The following CELF1 variants were observed in gnomAD, a reference collection of about 807,000 sequenced individuals.
The protein encoded by CELF1 is 50 kDa nuclear polyadenylated RNA-binding protein.
A neutral mutation model predicts 61.8 loss-of-function variants in CELF1; 10 were observed. The ratio of observed to expected loss-of-function variants is 0.16; its 90% CI spans 0.10 to 0.27. The LOEUF (loss-of-function observed/expected upper bound fraction) is 0.27. Ranked by LOEUF, CELF1 falls within the 10% of genes least tolerant of loss-of-function variation. The probability of loss-of-function intolerance (pLI) is 1.00; values close to 1 mark genes in which losing one functional copy is unlikely to be tolerated. For synonymous variants in CELF1, 236 were observed against 225.1 expected, an observed-to-expected ratio of 1.05 and a Z score of -0.43; for missense variants, 380 against 639.1, an observed-to-expected ratio of 0.59 and a Z score of 4.37.
At chr11:47,544,274 C>T (rs1288400003) in intron 1 of CELF1, among the ~76,000 whole-genome samples, 2 of 152,104 alleles carry the variant, frequency 1.3e-5, no homozygotes, top group African/African-American at 4.8e-5. Flanking sequence ...CATTACTGAC[C>T]CAAGAGACTA....
rs1286966859 is a variant in CELF1, at chr11:47,482,716, A to G, written c.747T>C (p.Thr249=). The G allele has an allele frequency of 6.2e-7, 1 of 1,613,958 alleles. No individual in the cohort carries two copies. The highest frequency in any genetic ancestry group is 8.5e-7 in the Non-Finnish European group (1 of 1,179,984). The change falls in exon 9 of 15, where the codon ACT becomes ACC. Residue 249 remains threonine, a synonymous_variant. Coordinates refer to ENST00000687097, the MANE Select transcript of CELF1 (RefSeq NM_001376376.1). The part of the protein sequence containing the change: ...SVWGNLAGLN[T]LGPQYLALYL... Reference sequence around the variant, plus strand: ...TCACTGCTAAATACTGGGGTCCAAGAGTATTTAGACCAGCAAGGTTTCCCC... The same window carrying G: ...TCACTGCTAAATACTGGGGTCCAAGGGTATTTAGACCAGCAAGGTTTCCCC...
intron 2 of CELF1, among the ~76,000 whole-genome samples, chr11:47,561,528 T>G (rs2097225617): frequency 6.6e-6 from 1 of 150,662 alleles, no homozygotes; most frequent in African/African-American, 2.5e-5. Flanking sequence ...AGATAATAAG[T>G]GTTGGCAACC....
rs1341066138 is a variant in CELF1, at chr11:47,467,425, C to T, written c.*4805G>A. ...CCCAATTAAAAAAACAAATCCCTGC[C>T]CTTTCCCCCACCCCACTAGCTAAGC... On this transcript the variant is annotated 3_prime_UTR_variant, in exon 15 of 15. Transcript: ENST00000687097. 2.0e-5 allele frequency: 3 copies of T among 152,262 alleles called. No individual in the cohort carries two copies. The highest frequency in any genetic ancestry group is 7.2e-5 in the African/African-American group (3 of 41,432). 9.4% of individuals were successfully genotyped at this position (152,262 alleles called of 1,614,324 possible).
upstream of CELF1, among the ~76,000 whole-genome samples, chr11:47,553,804 A>AT (rs1359428191): frequency 4.0e-4 from 46 of 115,576 alleles, 1 homozygote; most frequent in South Asian, 4.3e-3. Context: ...ACCGAAAAAA[A>AT]AATATATATA....
intron 9 of CELF1, among the ~76,000 whole-genome samples, chr11:47,482,207 A>T (rs1225625112): frequency 6.7e-6 from 1 of 150,196 alleles, no homozygotes; most frequent in African/African-American, 2.4e-5. Flanking sequence ...TCCGTCTCAA[A>T]AAATAAATAA....
At chr11:47,517,124 G>GT (rs1372347059) in intron 1 of CELF1, among the ~76,000 whole-genome samples, 2 of 151,958 alleles carry the variant, frequency 1.3e-5, no homozygotes, top group Non-Finnish European at 2.9e-5. Context: ...GCACGTGCCT[G>GT]TAGTCCCAGT....
At chr11:47,489,943 T>TTTTTTTTTTTTTTTTG (rs1433606711) in intron 3 of CELF1, among the ~76,000 whole-genome samples, 1 of 116,038 alleles carries the variant, frequency 8.6e-6, no homozygotes, top group Non-Finnish European at 1.8e-5. Flanking sequence ...TTGTTTTTTT[T>TTTTTTTTTTTTTTTTG]TTTTTTTTTT....
At chr11:47,522,926 C>G (rs1035800136) in intron 1 of CELF1, among the ~76,000 whole-genome samples, 1 of 151,160 alleles carries the variant, frequency 6.6e-6, no homozygotes, top group Admixed American at 6.6e-5. Context: ...TATTTCCTAG[C>G]AGGAGGGGGA....
At chr11:47,544,562 C>A (rs1257968126) in intron 1 of CELF1, among the ~76,000 whole-genome samples, 1 of 152,190 alleles carries the variant, frequency 6.6e-6, no homozygotes, top group South Asian at 2.1e-4. Context: ...ATTCCACAAT[C>A]AAAAAATCAA....
At chr11:47,494,972 G>A (rs11039264) in intron 3 of CELF1, among the ~76,000 whole-genome samples, 7 of 152,284 alleles carry the variant, frequency 4.6e-5, no homozygotes, top group Non-Finnish European at 8.8e-5. Flanking sequence ...GGCTGGTCTC[G>A]AACTCCTGGC....
rs118169372 is a variant in CELF1, at chr11:47,535,334, G to C, written c.-154+17658C>G. On this transcript the variant is annotated intron_variant, in intron 1 of 14. Coordinates refer to ENST00000687097, the MANE Select transcript of CELF1 (RefSeq NM_001376376.1). The stretch of plus-strand genomic sequence containing the variant: ...AAAAAAAATGGTTCTATGGAGATAA[G>C]ATATACCATTAACTACCGTAGGCAA... Among the ~76,000 whole-genome samples, 587 of 152,144 alleles carry C rather than the reference G, an allele frequency of 3.9e-3. 4 individuals carry two copies. The highest frequency in any genetic ancestry group is 7.4e-3 in the Non-Finnish European group (501 of 68,016).
rs1244762394 is a variant in CELF1, at chr11:47,471,150, G to C, written c.*1080C>G. 1 of 152,154 alleles carries C rather than the reference G, an allele frequency of 6.6e-6. No individual in the cohort carries two copies. Among genetic ancestry groups the C allele is most frequent in the African/African-American group, 2.4e-5 (1 of 41,420 alleles). 9.4% of individuals were successfully genotyped at this position (152,154 alleles called of 1,614,324 possible). A position where few individuals can be genotyped will look rare whatever the true frequency, so the allele number is the denominator to read the frequency against. The stretch of plus-strand genomic sequence containing the variant: ...CAAATGAAGCATACTGGCTTGCAGG[G>C]ACCTTCTGATTCAAGTACACCAAGA... On this transcript the variant is annotated 3_prime_UTR_variant, in exon 15 of 15. Coordinates refer to ENST00000687097, the MANE Select transcript of CELF1 (RefSeq NM_001376376.1).
chr11:47,537,314 C>A (rs185164616), intron 1 of CELF1, among the ~76,000 whole-genome samples: 106 of 148,094 alleles, frequency 7.2e-4, no homozygotes, highest in Non-Finnish European at 1.3e-3. Context: ...GTGGCGCCAT[C>A]TTGGCTCACT....
upstream of CELF1, chr11:47,553,247 G>T (rs2097187914): frequency 2.6e-6 from 1 of 381,988 alleles, no homozygotes; most frequent in East Asian, 3.7e-5. Context: ...CGATGCGAGC[G>T]GAGCGCGGCG....
intron 3 of CELF1, among the ~76,000 whole-genome samples, chr11:47,489,955 T>TTTTTTTTTA (rs71042675): frequency 3.5e-5 from 5 of 141,284 alleles, no homozygotes; most frequent in African/African-American, 1.3e-4. Flanking sequence ...TTTTTTTTTT[T>TTTTTTTTTA]GAGACGGAAT....
In CELF1 at chr11:47,510,797, TTAAC is replaced by T. The variant is rs370841206; in HGVS notation, c.-153-9869_-153-9866del. Among the ~76,000 whole-genome samples, 641 of 152,300 alleles carry T rather than the reference TTAAC, an allele frequency of 4.2e-3. 1 individual carries two copies. Among genetic ancestry groups the T allele is most frequent in the African/African-American group, 0.015 (625 of 41,572 alleles). On this transcript the variant is annotated intron_variant, in intron 1 of 14. Coordinates refer to ENST00000687097, the MANE Select transcript of CELF1 (RefSeq NM_001376376.1). The stretch of plus-strand genomic sequence containing the variant: ...GCCCCCGCATCTGGCCAACTCACTC[TTAAC>T]TAACAACTGTTAGTAAGCAACCTTA...
chr11:47,539,885 G>A (rs1175659291), intron 1 of CELF1, among the ~76,000 whole-genome samples: 1 of 152,078 alleles, frequency 6.6e-6, no homozygotes, highest in Admixed American at 6.6e-5. Context: ...CCACCTGTAC[G>A]AGCCTGAACT....
intron 1 of CELF1, among the ~76,000 whole-genome samples, chr11:47,503,103 A>G (rs2094128000): frequency 6.6e-6 from 1 of 152,254 alleles, no homozygotes. Context: ...AAGTGAAGGT[A>G]GGAGTAGTCA....
At position 47,476,894 on chromosome 11, in the gene CELF1, G is replaced by A; in HGVS notation, c.1039C>T (p.Gln347Ter). The part of the protein sequence containing the change: ...VNPIASLGAL[Q>*]TLAGATAGLN... Reference sequence around the variant, plus strand: ...CCAGCCGTTGCTCCAGCTAATGTCTGCAGGGCTCCAAGTGAGGCTATGGGG... The same window carrying A: ...CCAGCCGTTGCTCCAGCTAATGTCTACAGGGCTCCAAGTGAGGCTATGGGG... The change falls in exon 12 of 15, where the codon CAG becomes TAG. Residue 347 changes from glutamine to a stop codon, truncating the protein, a stop_gained. Transcript: ENST00000687097. LOFTEE classifies it high-confidence loss of function. 6.2e-7 allele frequency: 1 copy of A among 1,614,218 alleles called. No homozygotes were observed. The highest frequency in any genetic ancestry group is 8.5e-7 in the Non-Finnish European group (1 of 1,180,020).
Sources: gnomAD v4.1 joint callset for allele counts (sites outside exome capture counted in the v4.1 genomes callset) on GRCh38, gnomAD v4.1.1 for gene constraint, MANE v1.5 for transcripts, NCBI Gene and HGNC (gene_info 2026-07-23, HGNC 2026-07-21) for gene names.